Variants in ADIPOR2 observed in about 807,000 individuals in gnomAD.
The protein encoded by ADIPOR2 is adiponectin receptor 2.
ADIPOR2 carries 18 observed loss-of-function variants against 40.9 expected under a neutral mutation model. The ratio of observed to expected loss-of-function variants is 0.44; its 90% CI spans 0.30 to 0.65. ADIPOR2 has a LOEUF of 0.65. Among genes scored for constraint, ADIPOR2 ranks in the 30% least tolerant of loss-of-function variants. The pLI is 0.09. For synonymous variants in ADIPOR2, 165 were observed against 166.4 expected (o/e 0.99, Z 0.06); for missense variants, 283 against 479.2 (o/e 0.59, Z 3.82).
intron 1 of ADIPOR2, among the ~76,000 whole-genome samples, chr12:1,721,859 A>AT (rs141042290): frequency 2.8e-3 from 432 of 152,308 alleles, no homozygotes; most frequent in African/African-American, 0.01. Flanking sequence ...CTCTTGGAGT[A>AT]TTTAAGGAGC....
chr12:1,767,269 C>CAAAAAAAAAAAA (rs61401998), intron 2 of ADIPOR2, among the ~76,000 whole-genome samples: 1 of 87,466 alleles, frequency 1.1e-5, no homozygotes, highest in Non-Finnish European at 2.3e-5. Flanking sequence ...AAGACTTCGT[C>CAAAAAAAAAAAA]AAAAAAAAAA....
At chr12:1,745,885 A>T (rs2094753910) in intron 1 of ADIPOR2, among the ~76,000 whole-genome samples, 1 of 150,714 alleles carries the variant, frequency 6.6e-6, no homozygotes, top group African/African-American at 2.5e-5. Flanking sequence ...AATTTTATTG[A>T]AATTCATGCA....
At chr12:1,729,155 C>T (rs562296761) in intron 1 of ADIPOR2, among the ~76,000 whole-genome samples, 1 of 152,020 alleles carries the variant, frequency 6.6e-6, no homozygotes, top group South Asian at 2.1e-4. Context: ...GACTGTTGGT[C>T]TTCCCCATTC....
chr12:1,769,258 C>T (rs1862448121), intron 2 of ADIPOR2, among the ~76,000 whole-genome samples: 1 of 152,142 alleles, frequency 6.6e-6, no homozygotes, highest in South Asian at 2.1e-4. Context: ...ATGGTATACC[C>T]TAGGGAAAGT....
At chr12:1,757,294 AC>A (rs1862153249) in intron 2 of ADIPOR2, 1 of 645,518 alleles carries the variant, frequency 1.5e-6, no homozygotes, top group Non-Finnish European at 2.8e-6. Context: ...TGAGGCAGAT[AC>A]CCTTTTCCTC....
chr12:1,741,917 A>C (rs2094743631), intron 1 of ADIPOR2, among the ~76,000 whole-genome samples: 1 of 152,156 alleles, frequency 6.6e-6, no homozygotes, highest in Non-Finnish European at 1.5e-5. Context: ...GATGAATGGA[A>C]TAGGTTAAGA....
At chr12:1,723,580 C>T (rs1195685110) in intron 1 of ADIPOR2, among the ~76,000 whole-genome samples, 1 of 151,760 alleles carries the variant, frequency 6.6e-6, no homozygotes, top group African/African-American at 2.4e-5. Context: ...GTGGAGGTTG[C>T]AGTGAGCCAA....
chr12:1,774,580 A>G (rs539300028), intron 3 of ADIPOR2, among the ~76,000 whole-genome samples: 1 of 152,322 alleles, frequency 6.6e-6, no homozygotes, highest in South Asian at 2.1e-4. Flanking sequence ...GCTGTGGATA[A>G]TTTAGTCTTT....
chr12:1,747,075 AC>A (rs1298899165), intron 1 of ADIPOR2, among the ~76,000 whole-genome samples: 7 of 148,046 alleles, frequency 4.7e-5, no homozygotes, highest in Non-Finnish European at 1.0e-4. Flanking sequence ...AATAAAAAAA[AC>A]AAAACAAAAC....
At chr12:1,747,406 C>G (rs1211924268) in intron 1 of ADIPOR2, among the ~76,000 whole-genome samples, 1 of 147,856 alleles carries the variant, frequency 6.8e-6, no homozygotes, top group Non-Finnish European at 1.5e-5. Context: ...CACAGCATAC[C>G]AAAACTTAGG....
chr12:1,760,679 A>G (rs1286171616), intron 2 of ADIPOR2: 2 of 152,248 alleles, frequency 1.3e-5, no homozygotes, highest in African/African-American at 2.4e-5. Flanking sequence ...TGACTGAATA[A>G]TATTCCATTG....
intron 2 of ADIPOR2, among the ~76,000 whole-genome samples, chr12:1,768,295 G>A (rs1048180146): frequency 1.3e-5 from 2 of 152,082 alleles, no homozygotes; most frequent in African/African-American, 2.4e-5. Context: ...AAATGCCCCC[G>A]AAGCTCTAGA....
intron 1 of ADIPOR2, among the ~76,000 whole-genome samples, chr12:1,728,440 C>T (rs903603470): frequency 6.6e-6 from 1 of 150,862 alleles, no homozygotes; most frequent in Non-Finnish European, 1.5e-5. Context: ...AATGTTAACA[C>T]GGCTGGGCGC....
intron 1 of ADIPOR2, among the ~76,000 whole-genome samples, chr12:1,717,920 A>G (rs2094690868): frequency 6.6e-6 from 1 of 152,136 alleles, no homozygotes. Context: ...TATTTTTTAA[A>G]TGATGTACTT....
At chr12:1,709,406 A>G (rs1487563846) in intron 1 of ADIPOR2, among the ~76,000 whole-genome samples, 6 of 152,188 alleles carry the variant, frequency 3.9e-5, no homozygotes, top group South Asian at 2.1e-4. Flanking sequence ...TGGTGCTAGT[A>G]TGTAGATTAC....
intron 1 of ADIPOR2, among the ~76,000 whole-genome samples, chr12:1,712,741 A>T (rs2094680052): frequency 6.6e-6 from 1 of 151,934 alleles, no homozygotes; most frequent in Non-Finnish European, 1.5e-5. Context: ...GTATCCAGGG[A>T]TCTGTAGTCG....
chr12:1,775,304 A>T (rs968993697), intron 3 of ADIPOR2, among the ~76,000 whole-genome samples: 9 of 152,152 alleles, frequency 5.9e-5, no homozygotes, highest in African/African-American at 2.2e-4. Flanking sequence ...GTAAAAGAGG[A>T]TACCTATTTG....
At chr12:1,718,716 T>C (rs578066956) in intron 1 of ADIPOR2, among the ~76,000 whole-genome samples, 2 of 152,330 alleles carry the variant, frequency 1.3e-5, no homozygotes, top group African/African-American at 2.4e-5. Context: ...TTGGTATCTT[T>C]CCATGGGTAC....
chr12:1,781,059 A>T lies in ADIPOR2; in HGVS notation c.821A>T (p.Tyr274Phe), dbSNP rs1458090795. 6.2e-7 allele frequency: 1 copy of T among 1,605,906 alleles called. No homozygotes were observed. The highest frequency in any genetic ancestry group is 1.3e-5 in the African/African-American group (1 of 74,384). Residue 274 changes from tyrosine (Y) to phenylalanine (F), a missense_variant, in exon 6 of 8, where the codon TAT (tyrosine) becomes TTT (phenylalanine). By Grantham distance (22) the Tyr-to-Phe change is conservative. Coordinates refer to ENST00000357103, the MANE Select transcript of ADIPOR2 (RefSeq NM_024551.3). ...TGGGACATGTTTGCCACCCCTCAGT[A>T]TCGGGGAGTAAGAGCAGGTAAGAGC... ...SQWDMFATPQ[Y>F]RGVRAGVFLG...
Sources: allele counts gnomAD v4.1 joint callset (sites outside exome capture counted in the v4.1 genomes callset), GRCh38; gene constraint gnomAD v4.1.1; transcripts MANE v1.5; gene names NCBI Gene and HGNC (gene_info 2026-07-23, HGNC 2026-07-21).